Variants in CELF2 observed in about 807,000 individuals in gnomAD.
CELF2 encodes the protein CUG triplet repeat RNA-binding protein 2.
Under a neutral mutation model 62.6 loss-of-function variants are expected in CELF2, and 8 were observed. The observed-to-expected ratio is 0.13, with a 90% confidence interval of 0.07 to 0.23. CELF2 has a LOEUF of 0.23. Ranked by LOEUF, CELF2 falls within the 10% of genes least tolerant of loss-of-function variation. CELF2 has a pLI of 1.00. For synonymous variants in CELF2, 258 were observed against 250.0 expected (o/e 1.03, Z -0.30); for missense variants, 333 against 671.0 (o/e 0.50, Z 5.56).
chr10:10,586,056 T>G, the CELF2 span, among the ~76,000 whole-genome samples: 1 of 152,192 alleles, frequency 6.6e-6, no homozygotes, highest in South Asian at 2.1e-4. Flanking sequence ...CAATTAGCCT[T>G]TCAGAAGAGA....
intron 1 of CELF2, among the ~76,000 whole-genome samples, chr10:11,036,096 C>A (rs2060906321): frequency 2.0e-5 from 3 of 152,128 alleles, no homozygotes; most frequent in Admixed American, 1.3e-4. Flanking sequence ...ACTCTGAAAG[C>A]CAGGCTGTAC....
intron 1 of CELF2, among the ~76,000 whole-genome samples, chr10:10,893,653 C>T (rs1240857206): frequency 1.3e-5 from 2 of 152,152 alleles, no homozygotes. Context: ...AACATAGTGG[C>T]TTCTGCTTCC....
At chr10:10,980,365 C>A (rs1313887357) in intron 2 of CELF2, among the ~76,000 whole-genome samples, 1 of 152,194 alleles carries the variant, frequency 6.6e-6, no homozygotes, top group Non-Finnish European at 1.5e-5. Context: ...ATGGTACCCA[C>A]CTTATTGTAG....
intron 1 of CELF2, among the ~76,000 whole-genome samples, chr10:11,051,432 G>T (rs2063899229): frequency 6.6e-6 from 1 of 152,136 alleles, no homozygotes; most frequent in Non-Finnish European, 1.5e-5. Flanking sequence ...ATATTCCTTT[G>T]AGTTTGCCTC....
At chr10:11,221,827 T>C (rs941145689) in intron 3 of CELF2, among the ~76,000 whole-genome samples, 7 of 152,246 alleles carry the variant, frequency 4.6e-5, no homozygotes, top group African/African-American at 1.7e-4. Context: ...TAAGGAGTTA[T>C]TGCCCTAAGA....
At chr10:10,464,312 G>A in the CELF2 span, among the ~76,000 whole-genome samples, 1 of 152,044 alleles carries the variant, frequency 6.6e-6, no homozygotes, top group African/African-American at 2.4e-5. Context: ...AGTTATAATT[G>A]GAATAAATTG....
At chr10:11,141,963 C>G (rs1156336850) in intron 1 of CELF2, among the ~76,000 whole-genome samples, 2 of 152,148 alleles carry the variant, frequency 1.3e-5, no homozygotes, top group Admixed American at 1.3e-4. Flanking sequence ...TGTCCTGTAG[C>G]CCTCTTTATA....
intron 1 of CELF2, among the ~76,000 whole-genome samples, chr10:11,026,835 A>G (rs763960490): frequency 6.6e-6 from 1 of 152,144 alleles, no homozygotes; most frequent in Non-Finnish European, 1.5e-5. Flanking sequence ...CTAGCTCATC[A>G]CTTGTAAATT....
At chr10:11,155,222 C>T (rs148342220) in intron 1 of CELF2, among the ~76,000 whole-genome samples, 12 of 152,290 alleles carry the variant, frequency 7.9e-5, no homozygotes, top group African/African-American at 2.9e-4. Flanking sequence ...CTTAATGTGA[C>T]CCCTTGGATG....
At chr10:10,973,519 G>T (rs1191657528) in intron 2 of CELF2, among the ~76,000 whole-genome samples, 1 of 152,122 alleles carries the variant, frequency 6.6e-6, no homozygotes, top group African/African-American at 2.4e-5. Context: ...AAGAGGCAGG[G>T]CGTGAGTGGG....
At chr10:10,782,453 T>C in the CELF2 span, among the ~76,000 whole-genome samples, 4 of 152,202 alleles carry the variant, frequency 2.6e-5, no homozygotes, top group African/African-American at 9.7e-5. Flanking sequence ...GTGGACTAGA[T>C]GATGCCCATC....
At chr10:10,834,002 C>G (rs1306280892) in intron 1 of CELF2, among the ~76,000 whole-genome samples, 1 of 152,176 alleles carries the variant, frequency 6.6e-6, no homozygotes, top group Non-Finnish European at 1.5e-5. Context: ...ACCATAAAGA[C>G]ACTTGTACAT....
At chr10:10,954,882 T>C (rs1478268965) in intron 2 of CELF2, among the ~76,000 whole-genome samples, 1 of 152,256 alleles carries the variant, frequency 6.6e-6, no homozygotes, top group Non-Finnish European at 1.5e-5. Context: ...ATGCTATATC[T>C]TTTGTTCCAA....
chr10:11,180,421 G>T (rs1007450743), intron 2 of CELF2, among the ~76,000 whole-genome samples: 4 of 152,196 alleles, frequency 2.6e-5, no homozygotes, highest in African/African-American at 9.7e-5. Context: ...GATGAACAGG[G>T]CCGTTGAGCA....
intron 1 of CELF2, among the ~76,000 whole-genome samples, chr10:11,103,652 T>C (rs1042458712): frequency 3.9e-5 from 6 of 152,158 alleles, no homozygotes; most frequent in Non-Finnish European, 8.8e-5. Context: ...CACATGAAAT[T>C]AAACATTGTA....
chr10:11,175,801 CAT>C (rs2070856913), intron 2 of CELF2, among the ~76,000 whole-genome samples: 1 of 152,310 alleles, frequency 6.6e-6, no homozygotes, highest in Non-Finnish European at 1.5e-5. Context: ...AAGCACCAGT[CAT>C]GTGGCAGTAG....
the CELF2 span, among the ~76,000 whole-genome samples, chr10:10,523,445 A>G: frequency 6.6e-6 from 1 of 152,228 alleles, no homozygotes; most frequent in African/African-American, 2.4e-5. Context: ...GTGACCTGTC[A>G]TCAGAATTTG....
chr10:10,845,643 T>C lies in CELF2; in HGVS notation c.53+46826T>C, dbSNP rs531031251. The stretch of plus-strand genomic sequence containing the variant: ...TCAGCTTAATTTAATCATTTCACAA[T>C]GCATACATGTCTCAGAATATCACAT... On this transcript the variant is annotated intron_variant, in intron 1 of 13. Transcript: ENST00000636488. Among the ~76,000 whole-genome samples the C allele has an allele frequency of 2.6e-4, 39 of 152,356 alleles. 1 individual carries two copies. The South Asian group carries it at 4.6e-3, about 18-fold the overall frequency.
At chr10:10,920,271 C>T (rs566647069) in intron 2 of CELF2, among the ~76,000 whole-genome samples, 1 of 152,314 alleles carries the variant, frequency 6.6e-6, no homozygotes, top group South Asian at 2.1e-4. Context: ...TATATATGAG[C>T]TAGATATGCC....
Sources: gnomAD v4.1 joint callset for allele counts (sites outside exome capture counted in the v4.1 genomes callset) on GRCh38, gnomAD v4.1.1 for gene constraint, MANE v1.5 for transcripts, NCBI Gene and HGNC (gene_info 2026-07-23, HGNC 2026-07-21) for gene names.